The following SLAMF1 variants were observed in gnomAD, a reference collection of about 807,000 sequenced individuals.
The protein encoded by SLAMF1 is signaling lymphocytic activation molecule.
SLAMF1 carries 18 observed loss-of-function variants against 35.1 expected under a neutral mutation model. The ratio of observed to expected loss-of-function variants is 0.51; its 90% CI spans 0.35 to 0.76. The LOEUF (loss-of-function observed/expected upper bound fraction) is 0.76. Among genes scored for constraint, SLAMF1 ranks in the 30% least tolerant of loss-of-function variants. The pLI is 0.01. For missense variants in SLAMF1, 392 were observed against 413.0 expected (o/e 0.95, Z 0.44); for synonymous variants, 168 against 157.2 (o/e 1.07, Z -0.51).
At chr1:160,620,494 C>T (rs1315152258) in intron 4 of SLAMF1, among the ~76,000 whole-genome samples, 1 of 152,034 alleles carries the variant, frequency 6.6e-6, no homozygotes, top group Non-Finnish European at 1.5e-5. Flanking sequence ...TAATAAGTTG[C>T]AGAATATTTT....
In SLAMF1 at chr1:160,624,154, C is replaced by T; in HGVS notation, c.732G>A (p.Leu244=). 1 of 1,611,552 alleles carries T rather than the reference C, an allele frequency of 6.2e-7. No individual in the cohort carries two copies. The highest frequency in any genetic ancestry group is 1.7e-4 in the Middle Eastern group (1 of 6,050). ...TGAGAATCATGATGACACCCCCTAA[C>T]AGCCCAGCATACACTGCCCATGGTT... is the stretch of plus-strand genomic sequence containing the variant. ...ETKPWAVYAG[L]LGGVIMILIM... Residue 244 remains leucine, a synonymous_variant, in exon 4 of 7, where the codon CTG becomes CTA. Transcript: ENST00000302035.
At chr1:160,628,288 C>T (rs1253871131) in intron 3 of SLAMF1, among the ~76,000 whole-genome samples, 1 of 152,140 alleles carries the variant, frequency 6.6e-6, no homozygotes, top group African/African-American at 2.4e-5. Flanking sequence ...CCATTGTGAA[C>T]CAGGCAGCTT....
chr1:160,620,334 A>G (rs1429288712), intron 4 of SLAMF1, among the ~76,000 whole-genome samples: 1 of 151,746 alleles, frequency 6.6e-6, no homozygotes, highest in Non-Finnish European at 1.5e-5. Context: ...TCACCTCCCT[A>G]TTTCTGGGGG....
intron 3 of SLAMF1, among the ~76,000 whole-genome samples, chr1:160,632,644 G>C (rs1485586817): frequency 6.6e-6 from 1 of 152,066 alleles, no homozygotes; most frequent in Non-Finnish European, 1.5e-5. Context: ...CCTTTTTTGG[G>C]TTAGGCCAGG....
chr1:160,642,276 T>C lies in SLAMF1; in HGVS notation c.76+4594A>G, dbSNP rs1660789722. Among the ~76,000 whole-genome samples the C allele has an allele frequency of 6.6e-6, 1 of 152,214 alleles. No individual in the cohort carries two copies. Among genetic ancestry groups the C allele is most frequent in the South Asian group, 2.1e-4 (1 of 4,824 alleles). On this transcript the variant is annotated intron_variant, in intron 1 of 6. Coordinates refer to ENST00000302035, the MANE Select transcript of SLAMF1 (RefSeq NM_003037.5). The surrounding 1 kb of genome is among the most constrained non-coding windows in gnomAD (Gnocchi z 4.2). ...CTATCTTAGACTATTAGTATGTACG[T>C]TCCCTAGCCTTAGAGGCTATAACCA...
At chr1:160,645,098 CG>C (rs1660968030) in intron 1 of SLAMF1, among the ~76,000 whole-genome samples, 3 of 152,234 alleles carry the variant, frequency 2.0e-5, no homozygotes, top group South Asian at 2.1e-4. Flanking sequence ...CAAATCTCAT[CG>C]GGGGAAATGA....
At chr1:160,626,803 T>C (rs1659907448) in intron 3 of SLAMF1, among the ~76,000 whole-genome samples, 1 of 152,102 alleles carries the variant, frequency 6.6e-6, no homozygotes, top group Non-Finnish European at 1.5e-5. Flanking sequence ...AACCCATCCT[T>C]CATCATCCTC....
At chr1:160,640,359 T>TATATATATATATATACAC (rs1361053277) in intron 1 of SLAMF1, among the ~76,000 whole-genome samples, 2 of 122,470 alleles carry the variant, frequency 1.6e-5, no homozygotes, top group African/African-American at 6.6e-5. Context: ...TATATATATA[T>TATATATATATATATACAC]ACACACACAC....
intron 5 of SLAMF1, chr1:160,615,615 G>C: frequency 6.1e-6 from 1 of 165,060 alleles, no homozygotes; most frequent in East Asian, 1.8e-4. Flanking sequence ...AATGCACCCT[G>C]TGGTGGGTTG....
At chr1:160,624,371 T>C (rs1659770731) in intron 3 of SLAMF1, among the ~76,000 whole-genome samples, 186 bp from the exon 4 acceptor site, 2 of 152,222 alleles carry the variant, frequency 1.3e-5, no homozygotes, top group African/African-American at 4.8e-5. Context: ...GTTTTCTTAT[T>C]CTAATTTCTC....
intron 3 of SLAMF1, among the ~76,000 whole-genome samples, chr1:160,625,205 A>G (rs1659816050): frequency 1.3e-5 from 2 of 152,184 alleles, no homozygotes; most frequent in East Asian, 3.8e-4. Context: ...GTGGGGACCG[A>G]GCTGAAGCCC....
At chr1:160,629,179 C>T (rs898698060) in intron 3 of SLAMF1, among the ~76,000 whole-genome samples, 1 of 152,154 alleles carries the variant, frequency 6.6e-6, no homozygotes, top group Non-Finnish European at 1.5e-5. Context: ...ACCCTGGGCC[C>T]TCTCCACCTA....
At chr1:160,636,959 T>G in intron 2 of SLAMF1, 1 of 514,886 alleles carries the variant, frequency 1.9e-6, no homozygotes, top group Non-Finnish European at 3.4e-6. Context: ...CTTTGGGAAA[T>G]GGGAGTAAGA....
intron 1 of SLAMF1, among the ~76,000 whole-genome samples, chr1:160,643,398 C>G (rs140630292): frequency 2.8e-4 from 43 of 152,298 alleles, no homozygotes; most frequent in African/African-American, 1.0e-3. Context: ...TCATGGCACC[C>G]TGGGCGCTCT....
intron 5 of SLAMF1, among the ~76,000 whole-genome samples, chr1:160,618,308 C>T (rs164274): frequency 1 from 151,798 of 152,320 alleles, 75,638 homozygotes; most frequent in East Asian, 1. Flanking sequence ...TTAAGGGTAA[C>T]TCACTGAGCT....
At chr1:160,646,604 T>C (rs1661050097) in intron 1 of SLAMF1, among the ~76,000 whole-genome samples, 1 of 152,066 alleles carries the variant, frequency 6.6e-6, no homozygotes, top group Non-Finnish European at 1.5e-5. Flanking sequence ...CTAAGACTGG[T>C]CAGAAAAGTG....
At position 160,640,359 on chromosome 1, in the gene SLAMF1, T is replaced by TATATATATATACAC. The variant is rs1361053277; in HGVS notation, c.77-2831_77-2830insGTGTATATATATAT. On this transcript the variant is annotated intron_variant, in intron 1 of 6. Transcript: ENST00000302035. The stretch of plus-strand genomic sequence containing the variant: ...ATATATATATATATATATATATATA[T>TATATATATATACAC]ACACACACACACACACATATATATA... Among the ~76,000 whole-genome samples the TATATATATATACAC allele has an allele frequency of 1.1e-3, 133 of 122,380 alleles. 1 individual carries two copies. The highest frequency in any genetic ancestry group is 4.1e-3 in the African/African-American group (123 of 30,280). 80.3% of individuals were successfully genotyped at this position (122,380 alleles called of 152,430 possible).
At chr1:160,645,849 TCAC>T (rs1333112848) in intron 1 of SLAMF1, among the ~76,000 whole-genome samples, 2 of 152,110 alleles carry the variant, frequency 1.3e-5, no homozygotes, top group Non-Finnish European at 2.9e-5. Flanking sequence ...CCCTGGCATA[TCAC>T]GGTGCTTTTC....
chr1:160,624,016 G>T, intron 4 of SLAMF1, 80 bp downstream of exon 4: 1 of 983,140 alleles, frequency 1.0e-6, no homozygotes, highest in Non-Finnish European at 1.5e-6. Context: ...AGTTGTGAGA[G>T]CAAGTCCGAG....
Sources: gnomAD v4.1 joint callset for allele counts (sites outside exome capture counted in the v4.1 genomes callset) on GRCh38, gnomAD v4.1.1 for gene constraint, Gnocchi (gnomAD v3.1) non-coding constraint, MANE v1.5 for transcripts, NCBI Gene and HGNC (gene_info 2026-07-23, HGNC 2026-07-21) for gene names.